Variants in WDR70 observed in about 807,000 individuals in gnomAD.
WDR70 encodes the protein WD repeat domain 70, also known as WD repeat-containing protein 70.
WDR70 carries 53 observed loss-of-function variants against 88.6 expected under a neutral mutation model. That is an observed-to-expected ratio of 0.60 (90% CI 0.48 to 0.75). The LOEUF (loss-of-function observed/expected upper bound fraction) is 0.75, where lower values mean the gene tolerates loss of function less well. WDR70 is among the 30% of genes least tolerant of loss of function. The pLI, the probability that WDR70 is intolerant of heterozygous loss-of-function variation, is 0.00. For synonymous variants in WDR70, 280 were observed against 270.0 expected (o/e 1.04, Z -0.36); for missense variants, 610 against 823.2 (o/e 0.74, Z 3.17).
intron 10 of WDR70, among the ~76,000 whole-genome samples, chr5:37,666,423 T>G (rs760610480): frequency 6.6e-6 from 1 of 152,240 alleles, no homozygotes; most frequent in African/African-American, 2.4e-5. Flanking sequence ...CTTTAGGGAC[T>G]CTTGGTGTGA....
intron 4 of WDR70, among the ~76,000 whole-genome samples, chr5:37,393,925 G>T (rs764432084): frequency 2.0e-5 from 3 of 151,990 alleles, no homozygotes; most frequent in Admixed American, 1.3e-4. Context: ...CAAGCAATCC[G>T]CTCACCTCTA....
chr5:37,516,634 G>C, intron 9 of WDR70, 44 bp downstream of exon 9: 3 of 1,365,000 alleles, frequency 2.2e-6, no homozygotes, highest in Non-Finnish European at 3.1e-6. Flanking sequence ...ATATCTTTAG[G>C]TATTTTATTT....
At chr5:37,689,203 C>G (rs1746704888) in intron 10 of WDR70, among the ~76,000 whole-genome samples, 1 of 152,220 alleles carries the variant, frequency 6.6e-6, no homozygotes, top group Admixed American at 6.5e-5. Context: ...TGGGTGGAGC[C>G]CACTGCAGCT....
chr5:37,722,681 G>A, intron 14 of WDR70, 174 bp from the exon 15 acceptor site: 1 of 611,478 alleles, frequency 1.6e-6, no homozygotes, highest in Non-Finnish European at 2.9e-6. Flanking sequence ...TTTTCCATAA[G>A]TTTAAGCTTT....
At chr5:37,571,014 AT>A (rs144517943) in intron 9 of WDR70, among the ~76,000 whole-genome samples, 108 of 149,546 alleles carry the variant, frequency 7.2e-4, no homozygotes, top group Non-Finnish European at 1.2e-3. Flanking sequence ...AGTTTGTATG[AT>A]TTTTTTTTTA....
At chr5:37,456,063 G>A (rs1007961672) in intron 7 of WDR70, among the ~76,000 whole-genome samples, 19 of 151,966 alleles carry the variant, frequency 1.3e-4, no homozygotes, top group African/African-American at 2.9e-4. Context: ...TAAATACTCC[G>A]TACTGTAGAG....
intron 5 of WDR70, among the ~76,000 whole-genome samples, chr5:37,424,768 A>T (rs1300353854): frequency 6.6e-6 from 1 of 152,196 alleles, no homozygotes; most frequent in African/African-American, 2.4e-5. Flanking sequence ...ATGTGAATTA[A>T]CATTTTATTT....
At chr5:37,509,800 T>C (rs1740665465) in intron 8 of WDR70, among the ~76,000 whole-genome samples, 1 of 149,932 alleles carries the variant, frequency 6.7e-6, no homozygotes, top group Non-Finnish European at 1.5e-5. Flanking sequence ...TTTTTTTTTT[T>C]TTTTTTTTAA....
Position 37,632,435 on chromosome 5 carries a change from A to G in WDR70, c.1092+27197A>G, listed in dbSNP as rs78211203. ...TTTTATCATAGGAGATGACAGTTCC[A>G]TGTGTGTTATTACCTCTGAACACCT... On this transcript the variant is annotated intron_variant, in intron 10 of 17. Coordinates refer to ENST00000265107, the MANE Select transcript of WDR70 (RefSeq NM_018034.4). 6.7e-3 allele frequency among the ~76,000 whole-genome samples: 1,016 copies of G among 152,286 alleles called. 16 individuals are homozygous for G. The highest frequency in any genetic ancestry group is 0.023 in the African/African-American group (969 of 41,560).
At chr5:37,655,732 T>C (rs1745534406) in intron 10 of WDR70, among the ~76,000 whole-genome samples, 1 of 151,910 alleles carries the variant, frequency 6.6e-6, no homozygotes, top group Non-Finnish European at 1.5e-5. Flanking sequence ...TCTATTCAGC[T>C]ATTTATACTT....
intron 6 of WDR70, among the ~76,000 whole-genome samples, chr5:37,438,317 T>C (rs551719675): frequency 1.3e-5 from 2 of 152,318 alleles, no homozygotes; most frequent in East Asian, 3.9e-4. Flanking sequence ...TTAGCTTTAC[T>C]TCTGTATCAG....
At chr5:37,497,503 G>A (rs1160676341) in intron 8 of WDR70, among the ~76,000 whole-genome samples, 1 of 46,158 alleles carries the variant, frequency 2.2e-5, no homozygotes, top group Admixed American at 2.7e-4. Flanking sequence ...CCCTCTTCCC[G>A]TCTCTTCCCT....
At chr5:37,398,824 G>C (rs1749107691) in intron 5 of WDR70, among the ~76,000 whole-genome samples, 1 of 152,172 alleles carries the variant, frequency 6.6e-6, no homozygotes, top group African/African-American at 2.4e-5. Context: ...ATCAGTTCTA[G>C]TGGCTTTTAA....
intron 13 of WDR70, 54 bp downstream of exon 13, chr5:37,703,141 C>A (rs1747215006): frequency 1.3e-6 from 2 of 1,571,916 alleles, no homozygotes; most frequent in African/African-American, 1.3e-5. Flanking sequence ...TTGCCTCTTA[C>A]CCATCTTTTG....
At chr5:37,639,156 CTTAT>C (rs1017895087) in intron 10 of WDR70, among the ~76,000 whole-genome samples, 3 of 152,178 alleles carry the variant, frequency 2.0e-5, no homozygotes, top group East Asian at 1.9e-4. Flanking sequence ...TCCCTAGTTG[CTTAT>C]TTGAGTATTA....
intron 10 of WDR70, among the ~76,000 whole-genome samples, chr5:37,685,680 C>T (rs1267209261): frequency 6.6e-6 from 1 of 152,200 alleles, no homozygotes; most frequent in Non-Finnish European, 1.5e-5. Context: ...GATGCTCCCA[C>T]ACCAAACTCT....
chr5:37,398,017 T>C (rs1749079040), intron 5 of WDR70, among the ~76,000 whole-genome samples: 1 of 149,358 alleles, frequency 6.7e-6, no homozygotes, highest in African/African-American at 2.5e-5. Flanking sequence ...AGATATAATC[T>C]CCAAAATACT....
rs878924835 is a variant in WDR70, at chr5:37,381,519, T to C, written c.92-83T>C. 27 of 1,026,912 alleles carry C rather than the reference T, an allele frequency of 2.6e-5. No homozygotes were observed. The South Asian group carries it at 3.3e-4, about 12-fold the overall frequency. 63.6% of individuals were successfully genotyped at this position (1,026,912 alleles called of 1,614,324 possible). On this transcript the variant is annotated intron_variant, in intron 2 of 17. Transcript: ENST00000265107. Reference sequence around the variant, plus strand: ...CATGCTATAAACTAGACAAAGTAAGTGTTTATTGATCAGTATTGATCACCT... The same window carrying C: ...CATGCTATAAACTAGACAAAGTAAGCGTTTATTGATCAGTATTGATCACCT...
chr5:37,577,630 C>G (rs1173155478), intron 9 of WDR70, among the ~76,000 whole-genome samples: 1 of 152,024 alleles, frequency 6.6e-6, no homozygotes, highest in East Asian at 1.9e-4. Context: ...ATATTCTAGA[C>G]AGAAGGCTAC....
Sources: allele counts gnomAD v4.1 joint callset (sites outside exome capture counted in the v4.1 genomes callset), GRCh38; gene constraint gnomAD v4.1.1; transcripts MANE v1.5; gene names NCBI Gene and HGNC (gene_info 2026-07-23, HGNC 2026-07-21).